KCNQ1OT1: variants seen among roughly 807,000 people sequenced by gnomAD.
KCNQ1OT1 encodes KCNQ1 antisense RNA 2 (non-protein coding).
chr11:2,637,715 C>A (rs1464845041), exon 1 of KCNQ1OT1: 1 of 152,204 alleles, frequency 6.6e-6, no homozygotes, highest in Non-Finnish European at 1.5e-5. Flanking sequence ...TGGTGCAGAG[C>A]TGAGTTCAAT....
At chr11:2,614,438 T>G (rs77640024) in exon 1 of KCNQ1OT1, 7,235 of 398,540 alleles carry the variant, frequency 0.018, 282 homozygotes, top group East Asian at 0.11. Flanking sequence ...TTTTTGTGTC[T>G]TTTCTAAGAA....
chr11:2,694,710 G>A (rs539216031), exon 1 of KCNQ1OT1: 22 of 398,578 alleles, frequency 5.5e-5, no homozygotes, highest in South Asian at 1.3e-4. Context: ...CCTCTCTTCC[G>A]GTGGAAGAGA....
chr11:2,635,674 T>G (rs976685132), exon 1 of KCNQ1OT1: 6 of 152,212 alleles, frequency 3.9e-5, no homozygotes, highest in African/African-American at 1.4e-4. Context: ...GGCTCTTTTT[T>G]GGTTCCATAT....
exon 1 of KCNQ1OT1, chr11:2,630,440 T>C: frequency 2.5e-6 from 1 of 398,354 alleles, no homozygotes; most frequent in Non-Finnish European, 4.4e-6. Flanking sequence ...TAAGTTGGGA[T>C]TGTTCCCTCT....
At chr11:2,625,163 C>T (rs1849243150) in exon 1 of KCNQ1OT1, 2 of 398,668 alleles carry the variant, frequency 5.0e-6, no homozygotes, top group Non-Finnish European at 8.8e-6. Context: ...AACTGTTTAA[C>T]ACAGAGGCTG....
rs1230812787 is a variant in KCNQ1OT1 at position 2,651,939 on chromosome 11, CCTG to C, written n.48053_48055del. On this transcript the variant is annotated non_coding_transcript_exon_variant, in exon 1 of 1. Transcript: ENST00000597346. This position sits in a 1 kb window ranked among gnomAD's most constrained non-coding sequence, Gnocchi z 6.1. ...TTGCTCTCCTCCTACTCACAGCCCT[CCTG>C]CAGCCAGCAGCAGTGGGGGAGCCAA... 2.5e-6 allele frequency: 1 copy of C among 398,586 alleles called. No homozygotes were observed. Among genetic ancestry groups the C allele is most frequent in the African/African-American group, 2.1e-5 (1 of 48,644 alleles). The allele number at this position is 398,586 out of a possible 1,614,324, so 24.7% of individuals were successfully genotyped here. A position where few individuals can be genotyped will look rare whatever the true frequency, so the allele number is the denominator to read the frequency against.
Position 2,698,553 on chromosome 11 carries a change from C to T in KCNQ1OT1, n.1442G>A. On this transcript the variant is annotated non_coding_transcript_exon_variant, in exon 1 of 1. Transcript: ENST00000597346. The surrounding 1 kb of genome is among the most constrained non-coding windows in gnomAD (Gnocchi z 5.1). ...AACTCAGACTGCAACCTTTACTTCG[C>T]CCCCTAATTCCTGACTCAGAATCCC... 1 of 398,514 alleles carries T rather than the reference C, an allele frequency of 2.5e-6. No individual in the cohort carries two copies. The highest frequency in any genetic ancestry group is 2.1e-5 in the African/African-American group (1 of 48,678). 24.7% of individuals were successfully genotyped at this position (398,514 alleles called of 1,614,324 possible).
exon 1 of KCNQ1OT1, chr11:2,665,559 A>G: frequency 2.5e-6 from 1 of 394,014 alleles, no homozygotes; most frequent in Admixed American, 4.5e-5. Flanking sequence ...CAGCCACCAG[A>G]TTTCCATTCA....
chr11:2,611,361 A>C lies in KCNQ1OT1; in HGVS notation n.88634T>G, dbSNP rs1036532974. 1 of 397,562 alleles carries C rather than the reference A, an allele frequency of 2.5e-6. No homozygotes were observed. Among genetic ancestry groups the C allele is most frequent in the Non-Finnish European group, 4.4e-6 (1 of 225,980 alleles). 24.6% of individuals were successfully genotyped at this position (397,562 alleles called of 1,614,324 possible). On this transcript the variant is annotated non_coding_transcript_exon_variant, in exon 1 of 1. Transcript: ENST00000597346. The surrounding 1 kb of genome is among the most constrained non-coding windows in gnomAD (Gnocchi z 5.3). Reference sequence around the variant, plus strand: ...CAGCATCCCAAGTAGCTGGGACTACAGGCATTTGCCACCATACCCAGCTAA... The same window carrying C: ...CAGCATCCCAAGTAGCTGGGACTACCGGCATTTGCCACCATACCCAGCTAA...
At position 2,677,888 on chromosome 11, in the gene KCNQ1OT1, C is replaced by T. The variant is rs932082985; in HGVS notation, n.22107G>A. The T allele has an allele frequency of 5.0e-6, 2 of 398,438 alleles. No individual in the cohort carries two copies. Among genetic ancestry groups the T allele is most frequent in the South Asian group, 1.3e-4 (1 of 7,858 alleles). 24.7% of individuals were successfully genotyped at this position (398,438 alleles called of 1,614,324 possible). On this transcript the variant is annotated non_coding_transcript_exon_variant, in exon 1 of 1. Transcript: ENST00000597346. This position sits in a 1 kb window ranked among gnomAD's most constrained non-coding sequence, Gnocchi z 4.5. Reference sequence around the variant, plus strand: ...ACTGCACAAATGCACTTTCTTCCCCCACCCTTACCAAGTGTATACTCAGGT... The same window carrying T: ...ACTGCACAAATGCACTTTCTTCCCCTACCCTTACCAAGTGTATACTCAGGT...
rs909509018 is a variant in KCNQ1OT1 at position 2,661,877 on chromosome 11, C to T, written n.38118G>A. The stretch of plus-strand genomic sequence containing the variant: ...GGCACAAGCTCCACTCCTCACCTGG[C>T]CCTGGGAGCTCACAGGCCTGGCTCC... On this transcript the variant is annotated non_coding_transcript_exon_variant, in exon 1 of 1. Coordinates refer to ENST00000597346, the Ensembl canonical transcript of KCNQ1OT1. This position sits in a 1 kb window ranked among gnomAD's most constrained non-coding sequence, Gnocchi z 5.9. 5.8e-6 allele frequency: 9 copies of T among 1,558,474 alleles called. No homozygotes were observed. The Admixed American group carries it at 6.7e-5, about 12-fold the overall frequency.
chr11:2,618,273 A>G, exon 1 of KCNQ1OT1: 1 of 398,598 alleles, frequency 2.5e-6, no homozygotes, highest in Non-Finnish European at 4.4e-6. Flanking sequence ...TAGGCCACAC[A>G]TAAAATACAC....
Position 2,674,285 on chromosome 11 carries a change from T to C in KCNQ1OT1, n.25710A>G, listed in dbSNP as rs1338052780. ...AGCCCCCGGCACACACACTAGGACCTTTCTTCATCATGCAGCCGTAGAGCT... is the reference window on the plus strand; with the variant it reads ...AGCCCCCGGCACACACACTAGGACCCTTCTTCATCATGCAGCCGTAGAGCT... On this transcript the variant is annotated non_coding_transcript_exon_variant, in exon 1 of 1. Coordinates refer to ENST00000597346, the Ensembl canonical transcript of KCNQ1OT1. The surrounding 1 kb of genome is among the most constrained non-coding windows in gnomAD (Gnocchi z 5.9). 1.4e-4 allele frequency: 55 copies of C among 398,546 alleles called. No individual in the cohort carries two copies. Among genetic ancestry groups the C allele is most frequent in the Non-Finnish European group, 9.7e-5 (22 of 226,116 alleles). 24.7% of individuals were successfully genotyped at this position (398,546 alleles called of 1,614,324 possible).
rs1589988645 is a variant in KCNQ1OT1 at position 2,624,999 on chromosome 11, G to T, written n.74996C>A. On this transcript the variant is annotated non_coding_transcript_exon_variant, in exon 1 of 1. Coordinates refer to ENST00000597346, the Ensembl canonical transcript of KCNQ1OT1. This position sits in a 1 kb window ranked among gnomAD's most constrained non-coding sequence, Gnocchi z 4.9. The stretch of plus-strand genomic sequence containing the variant: ...TATCCATTCTTCCATGGACATTTGG[G>T]TTGCATTGATGTTTTAACTGTTGTA... 1 of 398,490 alleles carries T rather than the reference G, an allele frequency of 2.5e-6. No individual in the cohort carries two copies. The highest frequency in any genetic ancestry group is 2.1e-5 in the African/African-American group (1 of 48,698). 24.7% of individuals were successfully genotyped at this position (398,490 alleles called of 1,614,324 possible). A position where few individuals can be genotyped will look rare whatever the true frequency, so the allele number is the denominator to read the frequency against.
Position 2,676,330 on chromosome 11 carries a change from T to C in KCNQ1OT1, n.23665A>G, listed in dbSNP as rs1008834474. On this transcript the variant is annotated non_coding_transcript_exon_variant, in exon 1 of 1. Transcript: ENST00000597346. This position sits in a 1 kb window ranked among gnomAD's most constrained non-coding sequence, Gnocchi z 4.2. ...CAGGTGATGGCTCTGAACAGTGTAG[T>C]TGAAGTGCTGTTTTCTCATGGTTGG... 9 of 398,508 alleles carry C rather than the reference T, an allele frequency of 2.3e-5. No individual in the cohort carries two copies. The highest frequency in any genetic ancestry group is 1.3e-4 in the South Asian group (1 of 7,856). The allele number at this position is 398,508 out of a possible 1,614,324, so 24.7% of individuals were successfully genotyped here. A position where few individuals can be genotyped will look rare whatever the true frequency, so the allele number is the denominator to read the frequency against.
In KCNQ1OT1 at chr11:2,653,656, T is replaced by C. The variant is rs1849792455; in HGVS notation, n.46339A>G. Reference sequence around the variant, plus strand: ...CAGCTACTTTCTAAAAGGGGCAAAATGGCCACCAGCTTGCATTCAACAGCT... The same window carrying C: ...CAGCTACTTTCTAAAAGGGGCAAAACGGCCACCAGCTTGCATTCAACAGCT... On this transcript the variant is annotated non_coding_transcript_exon_variant, in exon 1 of 1. Coordinates refer to ENST00000597346, the Ensembl canonical transcript of KCNQ1OT1. The surrounding 1 kb of genome is among the most constrained non-coding windows in gnomAD (Gnocchi z 5.3). 2.5e-6 allele frequency: 1 copy of C among 398,552 alleles called. No individual in the cohort carries two copies. The highest frequency in any genetic ancestry group is 1.3e-4 in the South Asian group (1 of 7,860). 24.7% of individuals were successfully genotyped at this position (398,552 alleles called of 1,614,324 possible). A position where few individuals can be genotyped will look rare whatever the true frequency, so the allele number is the denominator to read the frequency against.
chr11:2,654,651 G>A lies in KCNQ1OT1; in HGVS notation n.45344C>T, dbSNP rs1455161384. 5.0e-6 allele frequency: 2 copies of A among 398,816 alleles called. No individual in the cohort carries two copies. Among genetic ancestry groups the A allele is most frequent in the African/African-American group, 2.1e-5 (1 of 48,622 alleles). The allele number at this position is 398,816 out of a possible 1,614,324, so 24.7% of individuals were successfully genotyped here. On this transcript the variant is annotated non_coding_transcript_exon_variant, in exon 1 of 1. Coordinates refer to ENST00000597346, the Ensembl canonical transcript of KCNQ1OT1. This position sits in a 1 kb window ranked among gnomAD's most constrained non-coding sequence, Gnocchi z 6.4. ...CAGACACTGGCGAGAGTCTCTTGAG[G>A]GCAGAGGGCAGCAGAGATGGGCTGG...
chr11:2,683,727 C>T lies in KCNQ1OT1; in HGVS notation n.16268G>A, dbSNP rs1850438227. 5.0e-6 allele frequency: 2 copies of T among 398,634 alleles called. No individual in the cohort carries two copies. Among genetic ancestry groups the T allele is most frequent in the Non-Finnish European group, 8.8e-6 (2 of 226,062 alleles). 24.7% of individuals were successfully genotyped at this position (398,634 alleles called of 1,614,324 possible). On this transcript the variant is annotated non_coding_transcript_exon_variant, in exon 1 of 1. Transcript: ENST00000597346. The surrounding 1 kb of genome is among the most constrained non-coding windows in gnomAD (Gnocchi z 4.7). ...GGCCTTTCCTTACTCCCTCTGGTTA[C>T]CTAGCTTTAGCTCTGAGGCAGCCCA...
exon 1 of KCNQ1OT1, chr11:2,633,755 T>G (rs1849403142): frequency 2.5e-6 from 1 of 398,514 alleles, no homozygotes. Context: ...CATGCTAATT[T>G]GGTTACCATT....
Sources: gnomAD v4.1 joint callset for allele counts on GRCh38, gnomAD v4.1.1 for gene constraint, Gnocchi (gnomAD v3.1) non-coding constraint, MANE v1.5 for transcripts, NCBI Gene and HGNC (gene_info 2026-07-23, HGNC 2026-07-21) for gene names.